The following COL1A1 variants were observed in gnomAD, a reference collection of about 807,000 sequenced individuals.
COL1A1 encodes the protein collagen alpha-1(I) chain.
In COL1A1, 21 loss-of-function variants were observed where a neutral mutation model predicts 195.7. The ratio of observed to expected loss-of-function variants is 0.11; its 90% CI spans 0.08 to 0.15. COL1A1 has a LOEUF of 0.15. Ranked by LOEUF, COL1A1 falls within the 10% of genes least tolerant of loss-of-function variation. The pLI is 1.00. For synonymous variants in COL1A1, 749 were observed against 747.3 expected (o/e 1.00, Z -0.04); for missense variants, 1,365 against 2,051.0 (o/e 0.67, Z 6.46).
intron 29 of COL1A1, chr17:50,192,245 G>A (rs1323392930): frequency 2.8e-6 from 2 of 723,396 alleles, no homozygotes; most frequent in Non-Finnish European, 4.6e-6. Context: ...TCAATAGAAG[G>A]GTTGAGGGAA....
Position 50,189,897 on chromosome 17 carries a change from G to A in COL1A1, c.2575C>T (p.Pro859Ser). 6.2e-7 allele frequency: 1 copy of A among 1,611,634 alleles called. No individual in the cohort carries two copies. Among genetic ancestry groups the A allele is most frequent in the Non-Finnish European group, 8.5e-7 (1 of 1,178,848 alleles). The change falls in exon 37 of 51, where the codon CCT (proline) becomes TCT (serine). Residue 859 changes from proline to serine, a missense_variant. Pro to Ser is a moderately conservative substitution (Grantham distance 74, BLOSUM62 -1). Coordinates refer to ENST00000225964, the MANE Select transcript of COL1A1 (RefSeq NM_000088.4). This position sits in a 1 kb window ranked among gnomAD's most constrained non-coding sequence, Gnocchi z 5.5. ...CTGCCGCGAGCACCTTTGGCTCCAG[G>A]AGCACCAACATTACCCTGTAGGAGA... is the stretch of plus-strand genomic sequence containing the variant. ...PPGPIGNVGA[P>S]GAKGARGSAG...
At position 50,190,226 on chromosome 17, in the gene COL1A1, C is replaced by G. The variant is rs1906957864; in HGVS notation, c.2451+101G>C. ...GGGTGGGAAACAATCCCGTCTCCAC[C>G]CTTCTCCCCTGAGGATGGCTGACGC... is the stretch of plus-strand genomic sequence containing the variant. On this transcript the variant is annotated intron_variant, in intron 35 of 50. Transcript: ENST00000225964. The surrounding 1 kb of genome is among the most constrained non-coding windows in gnomAD (Gnocchi z 4.7). 2 of 1,244,866 alleles carry G rather than the reference C, an allele frequency of 1.6e-6. No individual in the cohort carries two copies. Among genetic ancestry groups the G allele is most frequent in the Admixed American group, 1.7e-5 (1 of 59,280 alleles). 77.1% of individuals were successfully genotyped at this position (1,244,866 alleles called of 1,614,324 possible). A position where few individuals can be genotyped will look rare whatever the true frequency, so the allele number is the denominator to read the frequency against.
At chr17:50,196,252 T>C in intron 14 of COL1A1, 53 bp from the exon 15 acceptor site, 2 of 1,612,034 alleles carry the variant, frequency 1.2e-6, no homozygotes. Context: ...GGCCAGTCCC[T>C]AGAGTTCCTG....
At chr17:50,187,432 A>T in intron 46 of COL1A1, 52 bp downstream of exon 46, 2 of 1,599,508 alleles carry the variant, frequency 1.3e-6, no homozygotes, top group South Asian at 2.2e-5. Context: ...AGGGTCCCCG[A>T]GGTGAGCCTG....
rs1296195435 is a variant in COL1A1, at chr17:50,189,842, A to C, written c.2613+17T>G. On this transcript the variant is annotated intron_variant, in intron 37 of 50. Coordinates refer to ENST00000225964, the MANE Select transcript of COL1A1 (RefSeq NM_000088.4). This position sits in a 1 kb window ranked among gnomAD's most constrained non-coding sequence, Gnocchi z 5.5. ...GGGAGAGGGGAGAGGCTCAACAGAG[A>C]GGCGGGTGATACTCACAGGGGGACC... 11 of 1,606,004 alleles carry C rather than the reference A, an allele frequency of 6.8e-6. No individual in the cohort carries two copies. Among genetic ancestry groups the C allele is most frequent in the Non-Finnish European group, 9.4e-6 (11 of 1,175,828 alleles).
At chr17:50,196,710 G>C (rs774295754) in intron 11 of COL1A1, 40 bp from the exon 12 acceptor site, 62 of 1,607,632 alleles carry the variant, frequency 3.9e-5, no homozygotes, top group Non-Finnish European at 4.6e-5. Context: ...ACCTGTGGAG[G>C]GGGTGGAACA....
In COL1A1 at chr17:50,198,172, G is replaced by C. The variant is rs2144587738; in HGVS notation, c.577C>G (p.Pro193Ala). ...TCCTGGATACTCACAGGTGCACCAG[G>C]GGGGCCAGGGAGACCACGAGGACCA... ...PSGPRGLPGP[P>A]GAPGPQGFQG... is the part of the protein sequence containing the mutation. Residue 193 changes from proline (P) to alanine (A), a missense_variant, in exon 7 of 51, where the codon CCT becomes GCT. Around this residue, in one of 5 missense-constraint regions of COL1A1, gnomAD observed 226 missense variants for 372.9 expected, o/e 0.61. Transcript: ENST00000225964. 6.2e-7 allele frequency: 1 copy of C among 1,614,130 alleles called. No homozygotes were observed. The highest frequency in any genetic ancestry group is 8.5e-7 in the Non-Finnish European group (1 of 1,180,000).
Position 50,184,984 on chromosome 17 carries a change from C to T in COL1A1, c.*518G>A, listed in dbSNP as rs940173560. 6.9e-5 allele frequency: 16 copies of T among 231,064 alleles called. No homozygotes were observed. The highest frequency in any genetic ancestry group is 1.3e-3 in the Middle Eastern group (1 of 778). The allele number at this position is 231,064 out of a possible 1,614,324, so 14.3% of individuals were successfully genotyped here. A position where few individuals can be genotyped will look rare whatever the true frequency, so the allele number is the denominator to read the frequency against. On this transcript the variant is annotated 3_prime_UTR_variant, in exon 51 of 51. Coordinates refer to ENST00000225964, the MANE Select transcript of COL1A1 (RefSeq NM_000088.4). ...CCAGGTCCCCCAGGGCCTGGGGGTG[C>T]TGGGCGGGCAGGAGCGGGCTGAGGG...
chr17:50,195,390 C>T lies in COL1A1; in HGVS notation c.1200+44G>A. 4 of 1,613,988 alleles carry T rather than the reference C, an allele frequency of 2.5e-6. No individual in the cohort carries two copies. The highest frequency in any genetic ancestry group is 3.4e-6 in the Non-Finnish European group (4 of 1,179,854). On this transcript the variant is annotated intron_variant, in intron 18 of 50. Coordinates refer to ENST00000225964, the MANE Select transcript of COL1A1 (RefSeq NM_000088.4). The surrounding 1 kb of genome is among the most constrained non-coding windows in gnomAD (Gnocchi z 4.3). ...GAGCAGAGGGAAAGGGGCAGGCAGG[C>T]TGCAGGCGGCAGGAGTGGGACTGAA...
Position 50,187,080 on chromosome 17 carries a change from T to C in COL1A1, c.3466A>G (p.Asn1156Asp). Residue 1156 changes from asparagine (N) to aspartate (D), a missense_variant, in exon 47 of 51, where the codon AAC becomes GAC. Asn to Asp is a conservative substitution (Grantham distance 23). Transcript: ENST00000225964. ...SAGAPGKDGL[N>D]GLPGPIGPPG... Reference sequence around the variant, plus strand: ...GGCCCAATGGGGCCAGGGAGACCGTTGAGTCCATCTTTGCCAGGAGCACCA... The same window carrying C: ...GGCCCAATGGGGCCAGGGAGACCGTCGAGTCCATCTTTGCCAGGAGCACCA... The C allele has an allele frequency of 5.0e-6, 8 of 1,613,162 alleles. No homozygotes were observed. Among genetic ancestry groups the C allele is most frequent in the Non-Finnish European group, 6.8e-6 (8 of 1,179,702 alleles).
Position 50,198,020 on chromosome 17 carries a change from A to T in COL1A1, c.589-18T>A, listed in dbSNP as rs775985897. On this transcript the variant is annotated intron_variant, in intron 7 of 50. Coordinates refer to ENST00000225964, the MANE Select transcript of COL1A1 (RefSeq NM_000088.4). ...TGGGGACCCTTGAGAAGAAGGAAAA[A>T]GATGGGTTAGAAGACAAGTCCCTGT... 16 of 1,613,916 alleles carry T rather than the reference A, an allele frequency of 9.9e-6. No homozygotes were observed. The highest frequency in any genetic ancestry group is 1.6e-4 in the Middle Eastern group (1 of 6,062).
chr17:50,190,195 A>G lies in COL1A1; in HGVS notation c.2452-87T>C. On this transcript the variant is annotated intron_variant, in intron 35 of 50. Coordinates refer to ENST00000225964, the MANE Select transcript of COL1A1 (RefSeq NM_000088.4). The surrounding 1 kb of genome is among the most constrained non-coding windows in gnomAD (Gnocchi z 4.7). ...GAGGAGCAGTAATGGAGGCAGGAAG[A>G]TGCTTGGGTGGGAAACAATCCCGTC... 1 of 1,307,496 alleles carries G rather than the reference A, an allele frequency of 7.6e-7. No homozygotes were observed. The highest frequency in any genetic ancestry group is 1.1e-6 in the Non-Finnish European group (1 of 901,856). The allele number at this position is 1,307,496 out of a possible 1,614,324, so 81.0% of individuals were successfully genotyped here. A position where few individuals can be genotyped will look rare whatever the true frequency, so the allele number is the denominator to read the frequency against.
At chr17:50,193,084 G>T (rs763655061) in intron 25 of COL1A1, 37 bp from the exon 26 acceptor site, 63 of 1,609,358 alleles carry the variant, frequency 3.9e-5, no homozygotes, top group Non-Finnish European at 5.0e-5. Context: ...GGGGGCTGAA[G>T]TGAGAAGCCA....
At chr17:50,200,376 C>T (rs1907979694) in intron 1 of COL1A1, among the ~76,000 whole-genome samples, 1 of 152,110 alleles carries the variant, frequency 6.6e-6, no homozygotes, top group Non-Finnish European at 1.5e-5. Context: ...AGGTCCAGCC[C>T]TCATCCCGCC....
In COL1A1 at chr17:50,195,837, T is replaced by C. The variant is rs1190996063; in HGVS notation, c.1056+86A>G. 3.3e-6 allele frequency: 5 copies of C among 1,501,824 alleles called. No individual in the cohort carries two copies. In the African/African-American group the frequency reaches 6.9e-5, roughly 21 times the overall value. 93.0% of individuals were successfully genotyped at this position (1,501,824 alleles called of 1,614,324 possible). On this transcript the variant is annotated intron_variant, in intron 16 of 50. Coordinates refer to ENST00000225964, the MANE Select transcript of COL1A1 (RefSeq NM_000088.4). The surrounding 1 kb of genome is among the most constrained non-coding windows in gnomAD (Gnocchi z 4.3). ...AGTGAACGGGCTGCTCTCTTGCCAC[T>C]CTGGGTCCCTTTGGTTTGGGGAACA... is the stretch of plus-strand genomic sequence containing the variant.
chr17:50,197,780 G>A lies in COL1A1; in HGVS notation c.648C>T (p.Pro216=), dbSNP rs1366016821. ...GEPGEPGASG[P]MGPRGPPGPP... Reference sequence around the variant, plus strand: ...GACCTGGGGGACCTCGGGGACCCATGGGACCCTAGAAAAGATAGAAGAGGT... The same window carrying A: ...GACCTGGGGGACCTCGGGGACCCATAGGACCCTAGAAAAGATAGAAGAGGT... The change falls in exon 9 of 51, where the codon CCC becomes CCT. Residue 216 remains proline, a synonymous_variant. Transcript: ENST00000225964. 1 of 1,609,020 alleles carries A rather than the reference G, an allele frequency of 6.2e-7. No homozygotes were observed. The highest frequency in any genetic ancestry group is 1.3e-5 in the African/African-American group (1 of 74,206).
intron 8 of COL1A1, 61 bp downstream of exon 8, chr17:50,197,888 C>A: frequency 6.3e-7 from 1 of 1,597,126 alleles, no homozygotes; most frequent in Non-Finnish European, 8.6e-7. Context: ...CCTGGGAGTT[C>A]TTCTATAGGA....
chr17:50,199,595 G>A lies in COL1A1; in HGVS notation c.299-5C>T. 6.2e-7 allele frequency: 1 copy of A among 1,614,086 alleles called. No homozygotes were observed. The highest frequency in any genetic ancestry group is 8.5e-7 in the Non-Finnish European group (1 of 1,179,978). ...TTTCTTGGTCGGTGGGTGACTCTAGGGGACGAAGAGACGCGCGTTAGAGCC... is the reference window on the plus strand; with the variant it reads ...TTTCTTGGTCGGTGGGTGACTCTAGAGGACGAAGAGACGCGCGTTAGAGCC... On this transcript the variant is annotated splice_polypyrimidine_tract_variant and splice_region_variant and intron_variant, in intron 2 of 50. Coordinates refer to ENST00000225964, the MANE Select transcript of COL1A1 (RefSeq NM_000088.4).
Position 50,189,063 on chromosome 17 carries a change from G to A in COL1A1, c.2938-53C>T. The A allele has an allele frequency of 6.4e-7, 1 of 1,557,012 alleles. No individual in the cohort carries two copies. Among genetic ancestry groups the A allele is most frequent in the South Asian group, 1.1e-5 (1 of 89,996 alleles). ...AGATAGGGTCTGGGAGGACCCTTGA[G>A]TCCGCTGGAGTCATCTCTACCAAAT... On this transcript the variant is annotated intron_variant, in intron 40 of 50. Coordinates refer to ENST00000225964, the MANE Select transcript of COL1A1 (RefSeq NM_000088.4). This position sits in a 1 kb window ranked among gnomAD's most constrained non-coding sequence, Gnocchi z 5.5.
Sources: allele counts gnomAD v4.1 joint callset (sites outside exome capture counted in the v4.1 genomes callset), GRCh38; gene constraint gnomAD v4.1.1; regional missense constraint gnomAD v4.1.1; non-coding constraint Gnocchi (gnomAD v3.1); transcripts MANE v1.5; gene names NCBI Gene and HGNC (gene_info 2026-07-23, HGNC 2026-07-21).